ARID1B: variants seen among roughly 807,000 people sequenced by gnomAD.
ARID1B encodes the protein AT-rich interaction domain 1B.
ARID1B carries 30 observed loss-of-function variants against 212.3 expected under a neutral mutation model. The observed-to-expected ratio is 0.14, with a 90% CI of 0.11 to 0.19. ARID1B has a LOEUF of 0.19. Ranked by LOEUF, ARID1B falls within the 10% of genes least tolerant of loss-of-function variation. The probability of loss-of-function intolerance (pLI) is 1.00; values close to 1 mark genes in which losing one functional copy is unlikely to be tolerated. For missense variants in ARID1B, 2,891 were observed against 3,204.0 expected (o/e 0.90, Z 2.36); for synonymous variants, 1,402 against 1,301.7 (o/e 1.08, Z -1.66).
At chr6:157,028,366 A>G (rs1780797592) in intron 4 of ARID1B, among the ~76,000 whole-genome samples, 1 of 152,230 alleles carries the variant, frequency 6.6e-6, no homozygotes, top group Admixed American at 6.5e-5. Flanking sequence ...ATACAGAAAA[A>G]TCAATCATGT....
chr6:157,135,216 CT>C (rs1030337331), intron 7 of ARID1B, among the ~76,000 whole-genome samples: 34 of 152,016 alleles, frequency 2.2e-4, no homozygotes, highest in Non-Finnish European at 3.1e-4. Flanking sequence ...ACTGCTTACT[CT>C]TTCTGAAGTT....
intron 7 of ARID1B, among the ~76,000 whole-genome samples, chr6:157,145,388 T>G (rs75090141): frequency 0.014 from 2,080 of 152,276 alleles, 46 homozygotes; most frequent in African/African-American, 0.047. Context: ...TAGAGACTGT[T>G]TGCCCCAAAT....
At chr6:157,106,995 C>T (rs1786538382) in intron 5 of ARID1B, among the ~76,000 whole-genome samples, 1 of 152,148 alleles carries the variant, frequency 6.6e-6, no homozygotes, top group African/African-American at 2.4e-5. Flanking sequence ...ATAGGATTTG[C>T]ATAGTCTCAA....
intron 4 of ARID1B, among the ~76,000 whole-genome samples, chr6:156,963,427 T>A (rs1794533631): frequency 6.6e-6 from 1 of 152,248 alleles, no homozygotes; most frequent in Admixed American, 6.5e-5. Context: ...CTGTTTTTAT[T>A]ATCTACTTGG....
chr6:156,812,976 GTA>G (rs1554254433), intron 1 of ARID1B, among the ~76,000 whole-genome samples: 18 of 104,340 alleles, frequency 1.7e-4, no homozygotes, highest in Non-Finnish European at 2.2e-4. Context: ...GTGTGTGTGT[GTA>G]TGTATATACA....
intron 4 of ARID1B, among the ~76,000 whole-genome samples, chr6:157,002,807 A>G (rs1778980091): frequency 6.6e-6 from 1 of 152,226 alleles, no homozygotes; most frequent in African/African-American, 2.4e-5. Context: ...GGGAGAGAAC[A>G]TCTTGCAGGT....
intron 1 of ARID1B, among the ~76,000 whole-genome samples, chr6:156,792,847 T>G (rs1780101541): frequency 6.6e-6 from 1 of 152,166 alleles, no homozygotes; most frequent in African/African-American, 2.4e-5. Flanking sequence ...TAAAATAGGT[T>G]TAGTCCTTAG....
In ARID1B at chr6:157,181,197, G is replaced by C; in HGVS notation, c.3714+19G>C. On this transcript the variant is annotated intron_variant, in intron 12 of 19. Coordinates refer to ENST00000636930, the MANE Select transcript of ARID1B (RefSeq NM_001374828.1). ...GGCCCAGGTAAGAATGAGTGAGGGA[G>C]GGGGTGAAAAAGGAAGCATTGTGGA... The C allele has an allele frequency of 6.2e-7, 1 of 1,611,678 alleles. No individual in the cohort carries two copies. The highest frequency in any genetic ancestry group is 8.5e-7 in the Non-Finnish European group (1 of 1,178,134).
chr6:156,794,650 C>T (rs1484262590), intron 1 of ARID1B, among the ~76,000 whole-genome samples: 1 of 139,190 alleles, frequency 7.2e-6, no homozygotes, highest in Non-Finnish European at 1.5e-5. Flanking sequence ...GATCTTGGTT[C>T]ACTGATGGCA....
At chr6:157,004,890 CTTTTTTCTTTTTTTTTTT>C (rs1333760327) in intron 4 of ARID1B, among the ~76,000 whole-genome samples, 4 of 35,692 alleles carry the variant, frequency 1.1e-4, no homozygotes, top group Non-Finnish European at 1.4e-4. Flanking sequence ...TTTTCTTCTT[CTTTTTTCTTTTTTTTTTT>C]TTTTTTTTTT....
At chr6:156,808,745 C>G (rs1781356706) in intron 1 of ARID1B, among the ~76,000 whole-genome samples, 1 of 152,264 alleles carries the variant, frequency 6.6e-6, no homozygotes, top group South Asian at 2.1e-4. Context: ...ATTAGTTGTG[C>G]ACATTCTTTA....
chr6:157,037,591 GT>G (rs1428501522), intron 4 of ARID1B, among the ~76,000 whole-genome samples: 1 of 152,190 alleles, frequency 6.6e-6, no homozygotes, highest in African/African-American at 2.4e-5. Context: ...AAGTAGTTAA[GT>G]TTCTGTCTGT....
At chr6:156,801,603 G>C (rs1421376768) in intron 1 of ARID1B, among the ~76,000 whole-genome samples, 1 of 152,082 alleles carries the variant, frequency 6.6e-6, no homozygotes, top group Non-Finnish European at 1.5e-5. Flanking sequence ...AACAAGGAAA[G>C]ATTTTTTCCT....
chr6:157,028,351 GAATTAT>G (rs1420958096), intron 4 of ARID1B, among the ~76,000 whole-genome samples: 2 of 152,072 alleles, frequency 1.3e-5, no homozygotes, highest in African/African-American at 4.8e-5. Flanking sequence ...TTATTAATTT[GAATTAT>G]ACAGAAAAAT....
intron 5 of ARID1B, among the ~76,000 whole-genome samples, chr6:157,095,650 G>A (rs2128484114): frequency 6.6e-6 from 1 of 152,282 alleles, no homozygotes; most frequent in African/African-American, 2.4e-5. Flanking sequence ...TAGTGCTGAG[G>A]TTTTTTCCCC....
chr6:157,005,418 T>G (rs1457842926), intron 4 of ARID1B, among the ~76,000 whole-genome samples: 1 of 152,104 alleles, frequency 6.6e-6, no homozygotes, highest in Admixed American at 6.5e-5. Flanking sequence ...CCTCCCAAAG[T>G]GCTGGGATTA....
intron 5 of ARID1B, among the ~76,000 whole-genome samples, chr6:157,101,108 A>G (rs1233403390): frequency 6.6e-6 from 1 of 152,234 alleles, no homozygotes; most frequent in Non-Finnish European, 1.5e-5. Flanking sequence ...GCAGAATTGC[A>G]CAGTCAGTGG....
intron 8 of ARID1B, among the ~76,000 whole-genome samples, chr6:157,163,911 T>G (rs1791131645): frequency 6.6e-6 from 1 of 152,252 alleles, no homozygotes; most frequent in Admixed American, 6.5e-5. Context: ...ATAGTAGGTT[T>G]GGGGAATTCT....
At chr6:157,198,265 A>G (rs982725624) in intron 16 of ARID1B, among the ~76,000 whole-genome samples, 9 of 152,362 alleles carry the variant, frequency 5.9e-5, no homozygotes, top group Admixed American at 3.3e-4. Flanking sequence ...TTGTATTTAT[A>G]TAATGATTAG....
Sources: allele counts gnomAD v4.1 joint callset (sites outside exome capture counted in the v4.1 genomes callset), GRCh38; gene constraint gnomAD v4.1.1; transcripts MANE v1.5; gene names NCBI Gene and HGNC (gene_info 2026-07-23, HGNC 2026-07-21).